The following SCAPER variants were observed in gnomAD, a reference collection of about 807,000 sequenced individuals.
SCAPER encodes S phase cyclin A-associated protein in the endoplasmic reticulum.
SCAPER carries 98 observed loss-of-function variants against 182.2 expected under a neutral mutation model. That is an observed-to-expected ratio of 0.54 (90% CI 0.46 to 0.64). The LOEUF (loss-of-function observed/expected upper bound fraction) is 0.64. SCAPER is among the 30% of genes least tolerant of loss of function. SCAPER has a pLI of 0.00. For missense variants in SCAPER, 1,432 were observed against 1,690.0 expected, an observed-to-expected ratio of 0.85 and a Z score of 2.68; for synonymous variants, 605 against 564.6, an observed-to-expected ratio of 1.07 and a Z score of -1.01.
intron 8 of SCAPER, among the ~76,000 whole-genome samples, chr15:76,779,961 G>A (rs1000272633): frequency 6.6e-6 from 1 of 152,220 alleles, no homozygotes; most frequent in African/African-American, 2.4e-5. Context: ...CTCCCAGCGT[G>A]ATCGACGCAG....
At chr15:76,530,103 G>A (rs1179841557) in intron 23 of SCAPER, among the ~76,000 whole-genome samples, 1 of 152,148 alleles carries the variant, frequency 6.6e-6, no homozygotes, top group Non-Finnish European at 1.5e-5. Context: ...ATTGCTGGAG[G>A]AATGATCTAC....
intron 10 of SCAPER, among the ~76,000 whole-genome samples, chr15:76,768,441 A>G (rs1598612779): frequency 6.6e-6 from 1 of 152,346 alleles, no homozygotes; most frequent in Middle Eastern, 3.4e-3. Flanking sequence ...GTCAGTCACA[A>G]ATGACCACAT....
intron 5 of SCAPER, among the ~76,000 whole-genome samples, chr15:76,810,551 C>CA (rs1491285479): frequency 7.5e-6 from 1 of 133,446 alleles, no homozygotes; most frequent in Non-Finnish European, 1.6e-5. Context: ...AAAAAAAAAA[C>CA]CACACACACA....
chr15:76,535,468 G>T (rs982059146), intron 23 of SCAPER, among the ~76,000 whole-genome samples: 19 of 136,078 alleles, frequency 1.4e-4, no homozygotes, highest in African/African-American at 5.3e-4. Context: ...GTTGCAGTGA[G>T]CTGAGATCTC....
At chr15:76,372,581 CAG>C (rs1461848438) in intron 29 of SCAPER, among the ~76,000 whole-genome samples, 9 of 152,192 alleles carry the variant, frequency 5.9e-5, no homozygotes, top group Admixed American at 2.0e-4. Flanking sequence ...TTTATCATAA[CAG>C]AGTTGGTTTA....
chr15:76,730,600 T>C (rs1351803270), intron 16 of SCAPER, among the ~76,000 whole-genome samples: 1 of 152,058 alleles, frequency 6.6e-6, no homozygotes, highest in Non-Finnish European at 1.5e-5. Context: ...AAAATTCCTC[T>C]TATAGTCCAA....
At position 76,593,268 on chromosome 15, in the gene SCAPER, T is replaced by C. The variant is rs1002887260; in HGVS notation, c.2712-18984A>G. ...AGCTGCTATAGCCAGACTGCCTCTC[T>C]AGACTCCTCCTCTCTGGCCAGGGCA... On this transcript the variant is annotated intron_variant, in intron 22 of 31. Coordinates refer to ENST00000563290, the MANE Select transcript of SCAPER (RefSeq NM_020843.4). Among the ~76,000 whole-genome samples the C allele has an allele frequency of 8.2e-5, 10 of 121,286 alleles. 3 individuals are homozygous for C. In the Admixed American group the frequency reaches 8.4e-4, roughly 10 times the overall value. 79.6% of individuals were successfully genotyped at this position (121,286 alleles called of 152,430 possible).
intron 8 of SCAPER, 65 bp from the exon 9 acceptor site, chr15:76,775,182 T>C: frequency 4.9e-6 from 7 of 1,419,374 alleles, no homozygotes; most frequent in Middle Eastern, 2.0e-4. Context: ...TGGAAACTCA[T>C]AGAATAAAAA....
At chr15:76,504,085 G>A (rs373583374) in intron 24 of SCAPER, among the ~76,000 whole-genome samples, 8 of 151,944 alleles carry the variant, frequency 5.3e-5, no homozygotes, top group South Asian at 2.1e-4. Flanking sequence ...ACGGGGTCTC[G>A]CTACATTGCC....
At chr15:76,515,850 G>A (rs971932677) in intron 23 of SCAPER, among the ~76,000 whole-genome samples, 1 of 152,162 alleles carries the variant, frequency 6.6e-6, no homozygotes, top group Non-Finnish European at 1.5e-5. Context: ...TTTAATTCCT[G>A]GGGCTCTGAC....
intron 9 of SCAPER, 58 bp from the exon 10 acceptor site, chr15:76,772,012 T>C: frequency 7.7e-7 from 1 of 1,306,586 alleles, no homozygotes; most frequent in South Asian, 1.3e-5. Flanking sequence ...TATTCCACTT[T>C]AGAAGAAGAG....
At chr15:76,579,971 T>C (rs886246035) in intron 22 of SCAPER, among the ~76,000 whole-genome samples, 14 of 152,050 alleles carry the variant, frequency 9.2e-5, no homozygotes, top group African/African-American at 3.1e-4. Flanking sequence ...TAAAACAATA[T>C]AATAATTATA....
At chr15:76,824,285 T>C (rs1260315652) in intron 5 of SCAPER, among the ~76,000 whole-genome samples, 12 of 152,364 alleles carry the variant, frequency 7.9e-5, no homozygotes, top group East Asian at 5.8e-4. Context: ...AGTTTACCAA[T>C]TGGCTGCAAC....
intron 22 of SCAPER, among the ~76,000 whole-genome samples, chr15:76,614,026 G>C (rs138390432): frequency 0.014 from 2,191 of 152,236 alleles, 55 homozygotes; most frequent in African/African-American, 0.051. Flanking sequence ...ACTGGATAAA[G>C]AAAATGTGGT....
At chr15:76,481,553 T>C (rs2051144628) in intron 24 of SCAPER, among the ~76,000 whole-genome samples, 1 of 152,202 alleles carries the variant, frequency 6.6e-6, no homozygotes, top group African/African-American at 2.4e-5. Context: ...AAAACACAGA[T>C]ACAGAAAATT....
intron 21 of SCAPER, among the ~76,000 whole-genome samples, chr15:76,654,488 G>A (rs2055450444): frequency 6.6e-6 from 1 of 152,124 alleles, no homozygotes. Context: ...AGATTCTGGT[G>A]AGGCTACCGA....
intron 24 of SCAPER, among the ~76,000 whole-genome samples, chr15:76,491,115 A>G: frequency 6.6e-6 from 1 of 152,198 alleles, no homozygotes; most frequent in South Asian, 2.1e-4. Context: ...GCTAAAAAAA[A>G]ATCAGTTGAC....
At chr15:76,823,642 A>G (rs2067752943) in intron 5 of SCAPER, among the ~76,000 whole-genome samples, 2 of 152,098 alleles carry the variant, frequency 1.3e-5, no homozygotes. Context: ...GTTACATTCT[A>G]CTTTAAAACA....
intron 5 of SCAPER, among the ~76,000 whole-genome samples, chr15:76,838,339 G>A (rs1263814607): frequency 1.3e-5 from 2 of 152,148 alleles, no homozygotes; most frequent in African/African-American, 4.8e-5. Flanking sequence ...ATAAGTGGGA[G>A]CTAAAGATTG....
Sources: allele counts gnomAD v4.1 joint callset (sites outside exome capture counted in the v4.1 genomes callset), GRCh38; gene constraint gnomAD v4.1.1; transcripts MANE v1.5; gene names NCBI Gene and HGNC (gene_info 2026-07-23, HGNC 2026-07-21).